The following NASP variants were observed in gnomAD, a reference collection of about 807,000 sequenced individuals.
NASP encodes the protein nuclear autoantigenic sperm protein, also known as NASP histone chaperone.
A neutral mutation model predicts 89.5 loss-of-function variants in NASP; 24 were observed. The observed-to-expected ratio is 0.27, with a 90% CI of 0.19 to 0.38. The LOEUF (loss-of-function observed/expected upper bound fraction) is 0.38, where lower values mean the gene tolerates loss of function less well. Among genes scored for constraint, NASP ranks in the 10% least tolerant of loss-of-function variants. The pLI, the probability that NASP is intolerant of heterozygous loss-of-function variation, is 1.00. For synonymous variants in NASP, 306 were observed against 324.7 expected (o/e 0.94, Z 0.62); for missense variants, 848 against 921.4 (o/e 0.92, Z 1.03).
chr1:45,604,298 C>T (rs184109118), intron 3 of NASP, among the ~76,000 whole-genome samples: 41 of 152,328 alleles, frequency 2.7e-4, no homozygotes, highest in Admixed American at 8.5e-4. Context: ...TTTTGTCCTT[C>T]TTCCTTCTGT....
At chr1:45,586,293 GTGTGTGTGT>G (rs1644546469) in intron 1 of NASP, among the ~76,000 whole-genome samples, 1 of 97,444 alleles carries the variant, frequency 1.0e-5, no homozygotes, top group Non-Finnish European at 2.1e-5. Flanking sequence ...TGGTGTGTGT[GTGTGTGTGT>G]GTGTGTGGTG....
At chr1:45,584,288 C>A in intron 1 of NASP, 83 bp downstream of exon 1, 1 of 1,342,080 alleles carries the variant, frequency 7.5e-7, no homozygotes, top group Non-Finnish European at 1.0e-6. Context: ...AAGGGGCAGA[C>A]CGGTGGGCGG....
chr1:45,587,807 C>T (rs1644578907), intron 1 of NASP, among the ~76,000 whole-genome samples: 1 of 151,070 alleles, frequency 6.6e-6, no homozygotes, highest in Admixed American at 6.6e-5. Flanking sequence ...ATCAGCCTCC[C>T]AAGTAGCTGA....
intron 1 of NASP, among the ~76,000 whole-genome samples, chr1:45,586,924 C>G (rs535265475): frequency 2.0e-5 from 3 of 152,164 alleles, no homozygotes; most frequent in African/African-American, 7.2e-5. Context: ...TTCCCAACTC[C>G]TAGTCTCAAG....
At chr1:45,590,682 CTTTTTTTT>C (rs386366869) in intron 1 of NASP, among the ~76,000 whole-genome samples, 2 of 107,186 alleles carry the variant, frequency 1.9e-5, no homozygotes, top group Non-Finnish European at 3.6e-5. Context: ...CATAGTGTAA[CTTTTTTTT>C]TTTTTTTTTT....
chr1:45,602,180 G>T, intron 2 of NASP, 75 bp from the exon 3 acceptor site: 1 of 1,516,582 alleles, frequency 6.6e-7, no homozygotes, highest in South Asian at 1.3e-5. Context: ...TGAAACTATT[G>T]CTCAAATGTA....
At chr1:45,603,316 A>G (rs1211676740) in intron 3 of NASP, among the ~76,000 whole-genome samples, 3 of 152,262 alleles carry the variant, frequency 2.0e-5, no homozygotes, top group East Asian at 3.8e-4. Flanking sequence ...TTGAAGGTCA[A>G]TCATTGCATA....
chr1:45,595,129 TTGTG>T (rs57391869), intron 2 of NASP, among the ~76,000 whole-genome samples: 20,484 of 111,482 alleles, frequency 0.18, 2,098 homozygotes, highest in Non-Finnish European at 0.22. Context: ...AGACTAAGTT[TTGTG>T]TGTGTGTGTG....
intron 2 of NASP, among the ~76,000 whole-genome samples, chr1:45,596,450 A>G (rs1570963729): frequency 6.6e-6 from 1 of 152,322 alleles, no homozygotes; most frequent in Non-Finnish European, 1.5e-5. Flanking sequence ...GTATAAATGG[A>G]ATAATAGAAT....
chr1:45,584,801 G>A lies in NASP; in HGVS notation c.59+596G>A, dbSNP rs1644505748. Among the ~76,000 whole-genome samples, 4 of 152,186 alleles carry A rather than the reference G, an allele frequency of 2.6e-5. No homozygotes were observed. In the South Asian group the frequency reaches 8.3e-4, roughly 31 times the overall value. ...AAACTCCATTGTTTGGGGCCGCTGC[G>A]GCTCCAGCAGGAGCTTTGGACTATC... is the stretch of plus-strand genomic sequence containing the variant. On this transcript the variant is annotated intron_variant, in intron 1 of 14. Coordinates refer to ENST00000350030, the MANE Select transcript of NASP (RefSeq NM_002482.4).
chr1:45,617,704 A>G (rs1411836502), intron 14 of NASP, 113 bp downstream of exon 14: 5 of 1,258,782 alleles, frequency 4.0e-6, no homozygotes, highest in Non-Finnish European at 5.4e-6. Flanking sequence ...ACGATTGTTG[A>G]GTGCAGTCCT....
Position 45,608,047 on chromosome 1 carries a change from C to T in NASP, c.1136C>T (p.Ala379Val), listed in dbSNP as rs180902823. The change falls in exon 6 of 15, where the codon GCA becomes GTA. Residue 379 changes from alanine to valine, a missense_variant. Physicochemically the swap from Ala to Val is moderately conservative, Grantham distance 64. Around this residue, in one of 5 missense-constraint regions of NASP, gnomAD observed 464 missense variants for 469.4 expected, o/e 0.99. Transcript: ENST00000350030. Reference protein sequence around the residue: ...QEAPVLPKDGAVNGPSVVGDQ... With the variant: ...QEAPVLPKDGVVNGPSVVGDQ... ...GCTCCAGTTCTCCCTAAGGATGGTG[C>T]AGTCAATGGACCGTCAGTTGTAGGA... The T allele has an allele frequency of 1.9e-6, 3 of 1,613,980 alleles. No individual in the cohort carries two copies. The highest frequency in any genetic ancestry group is 1.7e-6 in the Non-Finnish European group (2 of 1,179,898).
intron 1 of NASP, among the ~76,000 whole-genome samples, chr1:45,590,173 T>G (rs1643496515): frequency 6.6e-6 from 1 of 152,178 alleles, no homozygotes; most frequent in South Asian, 2.1e-4. Context: ...TTAATTCATC[T>G]TTTTTTCCAA....
chr1:45,611,989 T>G (rs1490662572), intron 6 of NASP: 1 of 150,296 alleles, frequency 6.7e-6, no homozygotes, highest in African/African-American at 2.5e-5. Flanking sequence ...GCCTCCCAAG[T>G]AGCTGGGACT....
rs750578517 is a variant in NASP at position 45,615,503 on chromosome 1, G to A, written c.2022+32G>A. On this transcript the variant is annotated intron_variant, in intron 11 of 14. Transcript: ENST00000350030. ...TCCGTTAACATTTTGATAATAGCATGTTTGGTACCATTTATGTTAATGTTC... is the reference window on the plus strand; with the variant it reads ...TCCGTTAACATTTTGATAATAGCATATTTGGTACCATTTATGTTAATGTTC... The A allele has an allele frequency of 1.9e-6, 3 of 1,580,956 alleles. No individual in the cohort carries two copies. In the South Asian group the frequency reaches 3.5e-5, roughly 18 times the overall value.
At chr1:45,589,577 A>G (rs903762153) in intron 1 of NASP, among the ~76,000 whole-genome samples, 3 of 152,140 alleles carry the variant, frequency 2.0e-5, no homozygotes, top group African/African-American at 7.2e-5. Flanking sequence ...TTGTAAATGT[A>G]GTGACTATTA....
In NASP at chr1:45,614,187, A is replaced by G. The variant is rs1169686450; in HGVS notation, c.1592+6A>G. ...GCAAAGATCATTTTTAAAAGGTAAA[A>G]CTCTTGGTGCTTCTAGGCTTGGGTT... On this transcript the variant is annotated splice_donor_region_variant and intron_variant, in intron 8 of 14. Coordinates refer to ENST00000350030, the MANE Select transcript of NASP (RefSeq NM_002482.4). The G allele has an allele frequency of 1.9e-5, 30 of 1,608,974 alleles. No individual in the cohort carries two copies. The highest frequency in any genetic ancestry group is 2.5e-5 in the Non-Finnish European group (29 of 1,175,606).
At position 45,617,564 on chromosome 1, in the gene NASP, T is replaced by C. The variant is rs1644128316; in HGVS notation, c.2259T>C (p.Asn753=). Residue 753 remains asparagine (N), a synonymous_variant, in exon 14 of 15, where the codon AAT becomes AAC. Coordinates refer to ENST00000350030, the MANE Select transcript of NASP (RefSeq NM_002482.4). ...GTGGGGATGCTGTCCCCAGTGGAAA[T>C]GAAGTTTCGGAAAACATGGAGGAGG... The part of the protein sequence containing the change: ...GGSGDAVPSG[N]EVSENMEEEA... 2 of 1,597,476 alleles carry C rather than the reference T, an allele frequency of 1.3e-6. No individual in the cohort carries two copies. Among genetic ancestry groups the C allele is most frequent in the Non-Finnish European group, 1.7e-6 (2 of 1,174,732 alleles).
At chr1:45,604,241 TTACA>T (rs1643883707) in intron 3 of NASP, among the ~76,000 whole-genome samples, 1 of 152,246 alleles carries the variant, frequency 6.6e-6, no homozygotes, top group South Asian at 2.1e-4. Context: ...TCTTCTTACC[TTACA>T]TAGAGAAGTA....
Sources: allele counts gnomAD v4.1 joint callset (sites outside exome capture counted in the v4.1 genomes callset), GRCh38; gene constraint gnomAD v4.1.1; regional missense constraint gnomAD v4.1.1; transcripts MANE v1.5; gene names NCBI Gene and HGNC (gene_info 2026-07-23, HGNC 2026-07-21).